The following CARD14 variants were observed in gnomAD, a reference collection of about 807,000 sequenced individuals.
CARD14 encodes caspase recruitment domain family member 14, also known as caspase recruitment domain-containing protein 14.
CARD14 carries 107 observed loss-of-function variants against 111.5 expected under a neutral mutation model. That is an observed-to-expected ratio of 0.96 (90% CI 0.82 to 1.13). The LOEUF (loss-of-function observed/expected upper bound fraction) is 1.13, where lower values mean the gene tolerates loss of function less well. Ranked by LOEUF, CARD14 falls within the 50% of genes most tolerant of loss-of-function variation. The pLI is 0.00. For synonymous variants in CARD14, 617 were observed against 579.6 expected (o/e 1.06, Z -0.93); for missense variants, 1,322 against 1,362.3 (o/e 0.97, Z 0.47).
intron 10 of CARD14, among the ~76,000 whole-genome samples, 160 bp from the exon 11 acceptor site, chr17:80,191,163 A>C (rs2040513832): frequency 6.6e-6 from 1 of 152,248 alleles, no homozygotes; most frequent in Admixed American, 6.5e-5. Context: ...AACACTGCAC[A>C]TGTGAACACG....
chr17:80,191,844 C>T (rs2040541143), intron 11 of CARD14, among the ~76,000 whole-genome samples: 1 of 152,196 alleles, frequency 6.6e-6, no homozygotes, highest in Non-Finnish European at 1.5e-5. Flanking sequence ...TCCTGAAATG[C>T]TTAAAAGCCC....
rs749136532 is a variant in CARD14, at chr17:80,184,168, C to T, written c.605C>T (p.Ser202Leu). The change falls in exon 7 of 24, where the codon TCG (serine) becomes TTG (leucine). Residue 202 changes from serine (S) to leucine (L), a missense_variant. By Grantham distance (145) the Ser-to-Leu change is moderately radical. Transcript: ENST00000648509. ...CTGAAGGACGAGATGCTCAGCCTCT[C>T]GCTGCACTATAGCAATGCGCTGCAG... ...LRLKDEMLSL[S>L]LHYSNALQEK... The T allele has an allele frequency of 1.5e-5, 24 of 1,563,756 alleles. No individual in the cohort carries two copies. The highest frequency in any genetic ancestry group is 7.6e-5 in the Admixed American group (4 of 52,334).
Position 80,205,538 on chromosome 17 carries a change from G to A in CARD14, c.2577G>A (p.Leu859=). Residue 859 remains leucine, a synonymous_variant, in exon 22 of 24, where the codon TTG becomes TTA. Coordinates refer to ENST00000648509, the MANE Select transcript of CARD14 (RefSeq NM_001366385.1). ...GTCCAATGTCACCTGTAGAGTACTT[G>A]AGCCAGGAGGAGTATGAGGCCTGGA... The part of the protein sequence containing the change: ...QGFKKCLAEY[L]SQEEYEAWSQ... The A allele has an allele frequency of 6.3e-7, 1 of 1,585,816 alleles. No individual in the cohort carries two copies. Among genetic ancestry groups the A allele is most frequent in the African/African-American group, 1.3e-5 (1 of 74,612 alleles).
Position 80,203,687 on chromosome 17 carries a change from G to A in CARD14, c.2220-135G>A, listed in dbSNP as rs540668055. The stretch of plus-strand genomic sequence containing the variant: ...ATGGAGCGCTCCAGCCTGCAGCAAA[G>A]GGATGTGTGGAGCTCTAGGTGGAGG... On this transcript the variant is annotated intron_variant, in intron 18 of 23. Transcript: ENST00000648509. The surrounding 1 kb of genome is among the most constrained non-coding windows in gnomAD (Gnocchi z 4.6). 1.1e-5 allele frequency: 7 copies of A among 624,028 alleles called. No individual in the cohort carries two copies. In the South Asian group the frequency reaches 1.4e-4, roughly 13 times the overall value. The allele number at this position is 624,028 out of a possible 1,614,324, so 38.7% of individuals were successfully genotyped here. A position where few individuals can be genotyped will look rare whatever the true frequency, so the allele number is the denominator to read the frequency against.
Position 80,203,936 on chromosome 17 carries a change from G to A in CARD14, c.2283+51G>A, listed in dbSNP as rs1445463052. ...CCCCACTGGGGTGGGCTGGAAGAGGGGCTCGGTGCTGGCAGGGTGGCAGGA... is the reference window on the plus strand; with the variant it reads ...CCCCACTGGGGTGGGCTGGAAGAGGAGCTCGGTGCTGGCAGGGTGGCAGGA... On this transcript the variant is annotated intron_variant, in intron 19 of 23. Coordinates refer to ENST00000648509, the MANE Select transcript of CARD14 (RefSeq NM_001366385.1). This position sits in a 1 kb window ranked among gnomAD's most constrained non-coding sequence, Gnocchi z 4.6. 2 of 1,455,478 alleles carry A rather than the reference G, an allele frequency of 1.4e-6. No individual in the cohort carries two copies. Among genetic ancestry groups the A allele is most frequent in the Non-Finnish European group, 1.9e-6 (2 of 1,063,510 alleles). The allele number at this position is 1,455,478 out of a possible 1,614,324, so 90.2% of individuals were successfully genotyped here.
chr17:80,202,442 G>A (rs750773682), intron 18 of CARD14, 22 bp downstream of exon 18: 30 of 1,604,052 alleles, frequency 1.9e-5, no homozygotes, highest in Admixed American at 1.5e-4. Flanking sequence ...CCTCGAGCTC[G>A]GTGCGTCCCC....
At position 80,182,571 on chromosome 17, in the gene CARD14, C is replaced by T. The variant is rs1366408218; in HGVS notation, c.212-82C>T. 2 of 1,536,286 alleles carry T rather than the reference C, an allele frequency of 1.3e-6. No individual in the cohort carries two copies. The highest frequency in any genetic ancestry group is 2.7e-5 in the African/African-American group (2 of 72,896). ...CGGGGGGTTTCCCAGCCCCAGGCCT[C>T]TCCCCCGTGGGGAAGCCAGCCAGGG... On this transcript the variant is annotated intron_variant, in intron 5 of 23. Coordinates refer to ENST00000648509, the MANE Select transcript of CARD14 (RefSeq NM_001366385.1). This position sits in a 1 kb window ranked among gnomAD's most constrained non-coding sequence, Gnocchi z 4.7.
intron 11 of CARD14, 66 bp downstream of exon 11, chr17:80,191,538 T>C: frequency 6.3e-7 from 1 of 1,575,292 alleles, no homozygotes. Context: ...GGGACAGAGC[T>C]GGGCTCCAGG....
chr17:80,177,031 G>T (rs763568836), intron 2 of CARD14, among the ~76,000 whole-genome samples: 3 of 152,208 alleles, frequency 2.0e-5, no homozygotes, highest in Non-Finnish European at 4.4e-5. Context: ...TCATGGTTCT[G>T]GAGGCCAGAA....
chr17:80,187,188 C>T (rs2040370802), intron 7 of CARD14, among the ~76,000 whole-genome samples: 1 of 152,244 alleles, frequency 6.6e-6, no homozygotes, highest in Non-Finnish European at 1.5e-5. Flanking sequence ...TCACCAGCAC[C>T]TTCAGACCCG....
Position 80,188,560 on chromosome 17 carries a change from C to G in CARD14, c.843+16C>G, listed in dbSNP as rs143622685. On this transcript the variant is annotated intron_variant, in intron 8 of 23. Coordinates refer to ENST00000648509, the MANE Select transcript of CARD14 (RefSeq NM_001366385.1). This position sits in a 1 kb window ranked among gnomAD's most constrained non-coding sequence, Gnocchi z 4.5. ...TTTCAGCCTGGTAGGTTCCGGTCCC[C>G]GCAGCAGAGAGCGGCCTCCTGCCTT... The G allele has an allele frequency of 1.4e-6, 2 of 1,460,854 alleles. No individual in the cohort carries two copies. Among genetic ancestry groups the G allele is most frequent in the South Asian group, 1.5e-5 (1 of 66,678 alleles). 90.5% of individuals were successfully genotyped at this position (1,460,854 alleles called of 1,614,324 possible).
rs1457086329 is a variant in CARD14 at position 80,201,825 on chromosome 17, AG to A, written c.1936del (p.Val646TrpfsTer9). Reference protein sequence around the residue: ...TLEEAVGLLRRVDGFCCLSVK... With the variant: ...TLEEAVGLLRXVDGFCCLSVK... ...GGAGGAGGCCGTGGGGCTTCTCAGG[AG>A]GGTGGACGGCTTCTGCTGCCTGTCT... On this transcript the variant is annotated frameshift_variant, in exon 17 of 24. Transcript: ENST00000648509. LOFTEE classifies it high-confidence loss of function. This position sits in a 1 kb window ranked among gnomAD's most constrained non-coding sequence, Gnocchi z 5.0. 3 of 1,613,872 alleles carry A rather than the reference AG, an allele frequency of 1.9e-6. No individual in the cohort carries two copies. The East Asian group carries it at 6.7e-5, about 36-fold the overall frequency.
In CARD14 at chr17:80,208,418, G is replaced by C. The variant is rs528525035; in HGVS notation, c.*73G>C. Reference sequence around the variant, plus strand: ...AATGCAGTCCTGTTCCTCAGCCCAGGCCCTCTTGGCACAGCTGTGGGCTCC... The same window carrying C: ...AATGCAGTCCTGTTCCTCAGCCCAGCCCCTCTTGGCACAGCTGTGGGCTCC... On this transcript the variant is annotated 3_prime_UTR_variant, in exon 24 of 24. Transcript: ENST00000648509. The C allele has an allele frequency of 7.3e-7, 1 of 1,363,032 alleles. No individual in the cohort carries two copies. The highest frequency in any genetic ancestry group is 9.9e-7 in the Non-Finnish European group (1 of 1,009,138). The allele number at this position is 1,363,032 out of a possible 1,614,324, so 84.4% of individuals were successfully genotyped here. A position where few individuals can be genotyped will look rare whatever the true frequency, so the allele number is the denominator to read the frequency against.
intron 4 of CARD14, among the ~76,000 whole-genome samples, chr17:80,180,435 T>A (rs2040133432): frequency 6.6e-6 from 1 of 152,194 alleles, no homozygotes; most frequent in Admixed American, 6.5e-5. Flanking sequence ...TACCCTGAAG[T>A]GTCTTCTGCG....
At position 80,202,328 on chromosome 17, in the gene CARD14, GT is replaced by G. The variant is rs751841054; in HGVS notation, c.2129del (p.Phe710SerfsTer12). ...NEVLHVTDTM[F>X]QGCGCWHAHR... ...AGGTCCTGCACGTCACCGACACCAT[GT>G]TCCAGGGCTGCGGCTGCTGGCATGC... On this transcript the variant is annotated frameshift_variant, in exon 18 of 24. Transcript: ENST00000648509. LOFTEE classifies it high-confidence loss of function. 1 of 1,613,678 alleles carries G rather than the reference GT, an allele frequency of 6.2e-7. No homozygotes were observed. The highest frequency in any genetic ancestry group is 1.7e-5 in the Admixed American group (1 of 60,026).
chr17:80,184,658 G>A (rs893839491), intron 7 of CARD14, among the ~76,000 whole-genome samples: 1 of 151,530 alleles, frequency 6.6e-6, no homozygotes, highest in Non-Finnish European at 1.5e-5. Context: ...GGACTCAGGC[G>A]GGATAGTTGG....
chr17:80,174,355 G>A (rs910547222), intron 2 of CARD14, among the ~76,000 whole-genome samples: 4 of 152,082 alleles, frequency 2.6e-5, no homozygotes, highest in African/African-American at 7.2e-5. Context: ...TGGGATTACA[G>A]GCATGTACCA....
intron 2 of CARD14, among the ~76,000 whole-genome samples, chr17:80,175,474 G>A (rs994195655): frequency 6.6e-6 from 1 of 152,180 alleles, no homozygotes; most frequent in African/African-American, 2.4e-5. Context: ...GTGACAGAGC[G>A]ACTGCGCCCA....
rs201501775 is a variant in CARD14 at position 80,191,424 on chromosome 17, C to A, written c.1191C>A (p.Cys397Ter). Residue 397 changes from cysteine (C) to a stop codon, truncating the protein, a stop_gained, in exon 11 of 24, where the codon TGC becomes TGA. Transcript: ENST00000648509. LOFTEE classifies it high-confidence loss of function. Reference protein sequence around the residue: ...RQVFELTDQVCELRTQLRQLQ... With the variant: ...RQVFELTDQV ...TGTTCGAGCTGACGGACCAGGTCTG[C>A]GAGCTGCGCACACAGCTTCGCCAGC... 5.0e-6 allele frequency: 8 copies of A among 1,613,638 alleles called. No homozygotes were observed. Among genetic ancestry groups the A allele is most frequent in the Non-Finnish European group, 6.8e-6 (8 of 1,180,018 alleles).
Sources: allele counts gnomAD v4.1 joint callset (sites outside exome capture counted in the v4.1 genomes callset), GRCh38; gene constraint gnomAD v4.1.1; non-coding constraint Gnocchi (gnomAD v3.1); transcripts MANE v1.5; gene names NCBI Gene and HGNC (gene_info 2026-07-23, HGNC 2026-07-21).